CDK5RAP2: variants seen among roughly 807,000 people sequenced by gnomAD.
CDK5RAP2 encodes CDK5 regulatory subunit-associated protein 2.
In CDK5RAP2, 147 loss-of-function variants were observed where a neutral mutation model predicts 232.9. That is an observed-to-expected ratio of 0.63 (90% CI 0.55 to 0.72). CDK5RAP2 has a LOEUF of 0.72. Ranked by LOEUF, CDK5RAP2 falls within the 30% of genes least tolerant of loss-of-function variation. The pLI, the probability that CDK5RAP2 is intolerant of heterozygous loss-of-function variation, is 0.00. For synonymous variants in CDK5RAP2, 833 were observed against 833.7 expected (o/e 1.00, Z 0.01); for missense variants, 2,195 against 2,231.5 (o/e 0.98, Z 0.33).
In CDK5RAP2 at chr9:120,511,917, T is replaced by C. The variant is rs543411409; in HGVS notation, c.1311+6510A>G. Among the ~76,000 whole-genome samples, 218 of 152,190 alleles carry C rather than the reference T, an allele frequency of 1.4e-3. 2 individuals carry two copies. Among genetic ancestry groups the C allele is most frequent in the African/African-American group, 5.1e-3 (210 of 41,542 alleles). ...CACACCCAGCTAATTTTTGTATTTT[T>C]AGTCGATACAGGATTTCACCATGTC... is the stretch of plus-strand genomic sequence containing the variant. On this transcript the variant is annotated intron_variant, in intron 12 of 37. Coordinates refer to ENST00000349780, the MANE Select transcript of CDK5RAP2 (RefSeq NM_018249.6).
intron 25 of CDK5RAP2, among the ~76,000 whole-genome samples, chr9:120,428,679 C>A (rs930572566): frequency 3.3e-5 from 5 of 152,156 alleles, no homozygotes; most frequent in Non-Finnish European, 7.3e-5. Flanking sequence ...ACCAGAGGTA[C>A]AAGGAGGAAC....
intron 26 of CDK5RAP2, 57 bp from the exon 27 acceptor site, chr9:120,420,017 A>C (rs1432238564): frequency 2.9e-6 from 4 of 1,380,584 alleles, no homozygotes; most frequent in Non-Finnish European, 4.1e-6. Context: ...CCAAGCCAGG[A>C]CTATGACTTA....
At chr9:120,436,507 T>C (rs1473523985) in intron 25 of CDK5RAP2, among the ~76,000 whole-genome samples, 1 of 152,228 alleles carries the variant, frequency 6.6e-6, no homozygotes, top group African/African-American at 2.4e-5. Context: ...TATTAGATAA[T>C]AGTATATTAG....
chr9:120,577,700 T>C (rs1388797976), intron 1 of CDK5RAP2, among the ~76,000 whole-genome samples: 1 of 152,222 alleles, frequency 6.6e-6, no homozygotes, highest in Non-Finnish European at 1.5e-5. Context: ...TTAATCCTTA[T>C]GCCAACCCTA....
intron 10 of CDK5RAP2, 68 bp downstream of exon 10, chr9:120,527,738 T>G (rs2040967860): frequency 1.3e-6 from 2 of 1,570,198 alleles, no homozygotes; most frequent in Non-Finnish European, 1.7e-6. Flanking sequence ...AGCTAAAAAT[T>G]CAGGGTAGGA....
At chr9:120,561,930 A>G (rs2042478214) in intron 3 of CDK5RAP2, among the ~76,000 whole-genome samples, 1 of 152,186 alleles carries the variant, frequency 6.6e-6, no homozygotes, top group Non-Finnish European at 1.5e-5. Flanking sequence ...TTACAATCAG[A>G]AAGACCAGGC....
At chr9:120,539,475 C>A (rs897200110) in intron 5 of CDK5RAP2, among the ~76,000 whole-genome samples, 1 of 152,140 alleles carries the variant, frequency 6.6e-6, no homozygotes, top group African/African-American at 2.4e-5. Flanking sequence ...TACGAACATT[C>A]TTTTGTGTCA....
chr9:120,439,524 C>T lies in CDK5RAP2; in HGVS notation c.3597G>A (p.Leu1199=). 6.2e-7 allele frequency: 1 copy of T among 1,614,198 alleles called. No individual in the cohort carries two copies. Among genetic ancestry groups the T allele is most frequent in the South Asian group, 1.1e-5 (1 of 91,084 alleles). ...LAPEMIDSRV[L]ENLKQQLEEQ... is the part of the protein sequence containing the mutation. ...CCTCCAGCTGCTGTTTGAGGTTCTCCAGCACCCTGCTGTCAATCATCTCTG... is the reference window on the plus strand; with the variant it reads ...CCTCCAGCTGCTGTTTGAGGTTCTCTAGCACCCTGCTGTCAATCATCTCTG... Residue 1199 remains leucine (L), a synonymous_variant, in exon 24 of 38, where the codon CTG becomes CTA. Transcript: ENST00000349780.
At chr9:120,486,672 G>A (rs2038623771) in intron 14 of CDK5RAP2, among the ~76,000 whole-genome samples, 1 of 152,092 alleles carries the variant, frequency 6.6e-6, no homozygotes, top group Non-Finnish European at 1.5e-5. Flanking sequence ...TGATAGAGGG[G>A]TGTGTAAAGT....
intron 25 of CDK5RAP2, among the ~76,000 whole-genome samples, chr9:120,427,771 G>C (rs1308201717): frequency 6.6e-6 from 1 of 152,220 alleles, no homozygotes; most frequent in Non-Finnish European, 1.5e-5. Flanking sequence ...GCAAGGCCTG[G>C]CCCACAGAAA....
At chr9:120,468,128 C>A in intron 17 of CDK5RAP2, 131 bp from the exon 18 acceptor site, 1 of 830,200 alleles carries the variant, frequency 1.2e-6, no homozygotes, top group Non-Finnish European at 2.0e-6. Context: ...CTGATTCTAG[C>A]CCTCAGGATA....
chr9:120,491,689 T>C (rs2038917869), intron 12 of CDK5RAP2, among the ~76,000 whole-genome samples: 1 of 152,180 alleles, frequency 6.6e-6, no homozygotes, highest in African/African-American at 2.4e-5. Flanking sequence ...TGAACAGATA[T>C]TTATCACAAC....
At chr9:120,525,816 C>A (rs1329006136) in intron 10 of CDK5RAP2, among the ~76,000 whole-genome samples, 2 of 152,146 alleles carry the variant, frequency 1.3e-5, no homozygotes, top group Non-Finnish European at 2.9e-5. Flanking sequence ...CACACTCTCA[C>A]CTTGTTGCCC....
At chr9:120,553,700 A>G (rs1203431796) in intron 3 of CDK5RAP2, among the ~76,000 whole-genome samples, 1 of 152,220 alleles carries the variant, frequency 6.6e-6, no homozygotes, top group Non-Finnish European at 1.5e-5. Flanking sequence ...TAATTCATTA[A>G]ACTGTTCACA....
chr9:120,409,977 G>A (rs1215119687), intron 29 of CDK5RAP2, among the ~76,000 whole-genome samples: 1 of 152,084 alleles, frequency 6.6e-6, no homozygotes, highest in Non-Finnish European at 1.5e-5. Flanking sequence ...AGCACTCTGG[G>A]GGCTGGAAGC....
chr9:120,455,026 C>T (rs1036996207), intron 20 of CDK5RAP2, among the ~76,000 whole-genome samples: 10 of 152,264 alleles, frequency 6.6e-5, no homozygotes, highest in African/African-American at 2.4e-4. Context: ...GAATGGTGCT[C>T]GGGTGGAGTA....
At position 120,565,927 on chromosome 9, in the gene CDK5RAP2, T is replaced by C. The variant is rs762085517; in HGVS notation, c.195+2394A>G. 1.4e-3 allele frequency among the ~76,000 whole-genome samples: 211 copies of C among 152,216 alleles called. 1 individual carries two copies. The highest frequency in any genetic ancestry group is 1.1e-3 in the Non-Finnish European group (78 of 68,032). On this transcript the variant is annotated intron_variant, in intron 3 of 37. Coordinates refer to ENST00000349780, the MANE Select transcript of CDK5RAP2 (RefSeq NM_018249.6). The stretch of plus-strand genomic sequence containing the variant: ...GTCTTAATCCACTGCAGATTCCCCC[T>C]GGCAGAGAGCCTGGCACAGTGGCAT...
intron 26 of CDK5RAP2, among the ~76,000 whole-genome samples, chr9:120,421,154 C>T (rs1167042515): frequency 2.0e-5 from 3 of 152,176 alleles, no homozygotes; most frequent in Non-Finnish European, 2.9e-5. Flanking sequence ...AACCAGCCTG[C>T]CTCTCCAGCT....
At chr9:120,572,633 C>G (rs1002741316) in intron 1 of CDK5RAP2, among the ~76,000 whole-genome samples, 4 of 152,200 alleles carry the variant, frequency 2.6e-5, no homozygotes, top group Admixed American at 6.5e-5. Context: ...GAGACACTGA[C>G]AGAAAACTAA....
Sources: allele counts gnomAD v4.1 joint callset (sites outside exome capture counted in the v4.1 genomes callset), GRCh38; gene constraint gnomAD v4.1.1; transcripts MANE v1.5; gene names NCBI Gene and HGNC (gene_info 2026-07-23, HGNC 2026-07-21).